The following METAP1 variants were observed in gnomAD, a reference collection of about 807,000 sequenced individuals.
The protein encoded by METAP1 is methionyl aminopeptidase 1, also known as methionine aminopeptidase 1.
METAP1 carries 28 observed loss-of-function variants against 53.8 expected under a neutral mutation model. The ratio of observed to expected loss-of-function variants is 0.52; its 90% CI spans 0.39 to 0.71. The LOEUF is 0.71. METAP1 is among the 30% of genes least tolerant of loss of function. METAP1 has a pLI of 0.00. For synonymous variants in METAP1, 181 were observed against 165.7 expected, an observed-to-expected ratio of 1.09 and a Z score of -0.71; for missense variants, 389 against 479.8, an observed-to-expected ratio of 0.81 and a Z score of 1.77.
At chr4:99,022,130 A>G (rs1029826118) in intron 1 of METAP1, among the ~76,000 whole-genome samples, 1 of 152,250 alleles carries the variant, frequency 6.6e-6, no homozygotes, top group Non-Finnish European at 1.5e-5. Context: ...TTAGCCAGGC[A>G]TATATAGGAG....
intron 1 of METAP1, among the ~76,000 whole-genome samples, chr4:99,016,116 C>G (rs1429019230): frequency 1.3e-5 from 2 of 152,054 alleles, no homozygotes; most frequent in Non-Finnish European, 2.9e-5. Flanking sequence ...ACTGGGAATT[C>G]CAAGGGTGGT....
intron 2 of METAP1, chr4:99,031,683 A>G (rs1725044597): frequency 1.1e-6 from 1 of 930,852 alleles, no homozygotes; most frequent in Non-Finnish European, 1.5e-6. Flanking sequence ...AAAAACTAAT[A>G]ATCATCTCTG....
chr4:99,056,314 C>T (rs898064225), intron 9 of METAP1, among the ~76,000 whole-genome samples: 4 of 152,084 alleles, frequency 2.6e-5, no homozygotes, highest in Non-Finnish European at 4.4e-5. Context: ...ATTAGTTCTC[C>T]ATTTTTGTCT....
At chr4:99,045,783 C>T (rs116818433) in intron 8 of METAP1, among the ~76,000 whole-genome samples, 1 of 152,298 alleles carries the variant, frequency 6.6e-6, no homozygotes, top group African/African-American at 2.4e-5. Context: ...CATTAATGCA[C>T]ACACGTATGT....
intron 4 of METAP1, 71 bp downstream of exon 4, chr4:99,035,531 G>A (rs941682801): frequency 2.7e-5 from 32 of 1,185,208 alleles, no homozygotes; most frequent in Non-Finnish European, 3.8e-5. Flanking sequence ...GGGAAGGAAT[G>A]CTTTTCTTGT....
intron 5 of METAP1, among the ~76,000 whole-genome samples, chr4:99,040,504 A>G (rs780962306): frequency 4.0e-5 from 6 of 148,582 alleles, no homozygotes; most frequent in Non-Finnish European, 8.9e-5. Context: ...GGGTCTTGCT[A>G]TCACTCAGGC....
chr4:99,046,936 CAA>C (rs56702946), intron 8 of METAP1, among the ~76,000 whole-genome samples: 77 of 82,214 alleles, frequency 9.4e-4, no homozygotes, highest in African/African-American at 2.5e-3. Flanking sequence ...ACTGAAGAAA[CAA>C]AAAAAAAAAA....
intron 10 of METAP1, among the ~76,000 whole-genome samples, chr4:99,059,102 A>G (rs571151035): frequency 2.0e-5 from 3 of 152,344 alleles, no homozygotes; most frequent in Non-Finnish European, 2.9e-5. Context: ...TTGGTGAGCC[A>G]TGATGTAGTG....
chr4:99,025,596 C>A, intron 1 of METAP1: 3 of 594,672 alleles, frequency 5.0e-6, no homozygotes, highest in Non-Finnish European at 6.3e-6. Flanking sequence ...CCCATTTTAG[C>A]TTGTAAACCA....
At chr4:99,056,805 G>A (rs1285056281) in intron 9 of METAP1, among the ~76,000 whole-genome samples, 1 of 151,338 alleles carries the variant, frequency 6.6e-6, no homozygotes, top group Non-Finnish European at 1.5e-5. Context: ...TCCTGACCTC[G>A]TGATCCACCA....
chr4:99,023,048 GCTC>G, intron 1 of METAP1: 1 of 1,392,620 alleles, frequency 7.2e-7, no homozygotes. Context: ...GATTCCTCCT[GCTC>G]CTCCTCCACA....
intron 1 of METAP1, among the ~76,000 whole-genome samples, chr4:99,004,822 A>G (rs1387542638): frequency 6.6e-6 from 1 of 152,092 alleles, no homozygotes; most frequent in Non-Finnish European, 1.5e-5. Context: ...TATGTTCCTG[A>G]GATTTATCCA....
rs767001155 is a variant in METAP1, at chr4:99,039,407, C to T, written c.374C>T (p.Thr125Ile). ...GAATCTGAACAGGCTCTTAAAGGTACTTCTCAGATTAAATTACTCTCATCT... is the reference window on the plus strand; with the variant it reads ...GAATCTGAACAGGCTCTTAAAGGTATTTCTCAGATTAAATTACTCTCATCT... ...MSESEQALKG[T>I]SQIKLLSSED... The change falls in exon 5 of 11, where the codon ACT becomes ATT. Residue 125 changes from threonine (T) to isoleucine (I), a missense_variant. Transcript: ENST00000296411. 5 of 1,611,484 alleles carry T rather than the reference C, an allele frequency of 3.1e-6. No homozygotes were observed. The highest frequency in any genetic ancestry group is 1.7e-6 in the Non-Finnish European group (2 of 1,178,358).
intron 10 of METAP1, among the ~76,000 whole-genome samples, chr4:99,058,312 T>C (rs1488328339): frequency 6.6e-6 from 1 of 152,188 alleles, no homozygotes; most frequent in African/African-American, 2.4e-5. Flanking sequence ...CTTAGCTTGT[T>C]ACTTGGCAGA....
chr4:99,048,701 AGTT>A, intron 8 of METAP1, 29 bp from the exon 9 acceptor site: 1 of 1,605,490 alleles, frequency 6.2e-7, no homozygotes, highest in Non-Finnish European at 8.5e-7. Flanking sequence ...ATTAGTTATT[AGTT>A]TATCATGAAT....
At chr4:98,996,205 G>T (rs975850308) in intron 1 of METAP1, among the ~76,000 whole-genome samples, 1 of 152,144 alleles carries the variant, frequency 6.6e-6, no homozygotes, top group Non-Finnish European at 1.5e-5. Flanking sequence ...GCCGCCAGGT[G>T]TGCGGGCTGC....
In METAP1 at chr4:99,026,480, C is replaced by T. The variant is rs552504908; in HGVS notation, c.115-2387C>T. 2.2e-4 allele frequency: 212 copies of T among 985,270 alleles called. No individual in the cohort carries two copies. The African/African-American group carries it at 3.5e-3, about 16-fold the overall frequency. The allele number at this position is 985,270 out of a possible 1,614,324, so 61.0% of individuals were successfully genotyped here. On this transcript the variant is annotated intron_variant, in intron 1 of 10. Coordinates refer to ENST00000296411, the MANE Select transcript of METAP1 (RefSeq NM_015143.3). ...AAAGCTTCTGAGGACGTAGTTATAA[C>T]GGTGAGTGTTAGGATTAGGTAGGTC...
intron 1 of METAP1, among the ~76,000 whole-genome samples, chr4:99,000,096 CAAAG>C (rs1288851271): frequency 2.0e-5 from 3 of 152,140 alleles, no homozygotes; most frequent in African/African-American, 4.8e-5. Context: ...CAATGGAAAA[CAAAG>C]AAATTCTGTA....
At chr4:99,001,051 A>G (rs995905392) in intron 1 of METAP1, among the ~76,000 whole-genome samples, 3 of 152,146 alleles carry the variant, frequency 2.0e-5, no homozygotes, top group African/African-American at 7.2e-5. Flanking sequence ...GTAGAGAAGG[A>G]ATTGCCGTTA....
Sources: allele counts gnomAD v4.1 joint callset (sites outside exome capture counted in the v4.1 genomes callset), GRCh38; gene constraint gnomAD v4.1.1; transcripts MANE v1.5; gene names NCBI Gene and HGNC (gene_info 2026-07-23, HGNC 2026-07-21).